The following OSBPL5 variants were observed in gnomAD, a reference collection of about 807,000 sequenced individuals.
The protein encoded by OSBPL5 is oxysterol-binding protein-related protein 5.
In OSBPL5, 71 loss-of-function variants were observed where a neutral mutation model predicts 111.2. The ratio of observed to expected loss-of-function variants is 0.64; its 90% confidence interval spans 0.53 to 0.78. The LOEUF is 0.78. Ranked by LOEUF, OSBPL5 falls within the 30% of genes least tolerant of loss-of-function variation. OSBPL5 has a pLI of 0.00. For missense variants in OSBPL5, 1,210 were observed against 1,189.3 expected (o/e 1.02, Z -0.26); for synonymous variants, 549 against 513.9 (o/e 1.07, Z -0.93).
At chr11:3,153,916 C>T (rs1846666945) in intron 1 of OSBPL5, among the ~76,000 whole-genome samples, 1 of 152,228 alleles carries the variant, frequency 6.6e-6, no homozygotes, top group African/African-American at 2.4e-5. Context: ...AGCAGAGGCT[C>T]CATATGAATG....
rs536396675 is a variant in OSBPL5 at position 3,106,529 on chromosome 11, C to T, written c.1059+734G>A. On this transcript the variant is annotated intron_variant, in intron 9 of 21. Transcript: ENST00000263650. This position sits in a 1 kb window ranked among gnomAD's most constrained non-coding sequence, Gnocchi z 8.4. ...TGAGGCGCCCCACGGTGCCCAGGGC[C>T]ACGTGAGTTCTCTCCAGCTGCGGGG... 3.4e-4 allele frequency among the ~76,000 whole-genome samples: 52 copies of T among 152,296 alleles called. No homozygotes were observed. The highest frequency in any genetic ancestry group is 5.4e-4 in the Non-Finnish European group (37 of 68,018).
Position 3,093,529 on chromosome 11 carries a change from C to T in OSBPL5, c.1944G>A (p.Glu648=). The part of the protein sequence containing the change: ...PLEEQTELES[E]RLWQHVTRAI... ...CCCTGGGCGCTGACAGGCCTCACCT[C>T]TCGGACTCCAGCTCCGTCTGCTCCT... The change falls in exon 17 of 22, where the codon GAG becomes GAA. Residue 648 remains glutamate (E), a splice_region_variant and synonymous_variant. Transcript: ENST00000263650. 6.2e-7 allele frequency: 1 copy of T among 1,608,370 alleles called. No homozygotes were observed. The highest frequency in any genetic ancestry group is 8.5e-7 in the Non-Finnish European group (1 of 1,179,696).
chr11:3,131,301 C>G (rs1346273456), intron 1 of OSBPL5, among the ~76,000 whole-genome samples: 1 of 152,146 alleles, frequency 6.6e-6, no homozygotes, highest in Non-Finnish European at 1.5e-5. Context: ...GTCTCCCGCT[C>G]CCTTGTATCC....
chr11:3,124,557 C>T (rs1858534587), intron 3 of OSBPL5, among the ~76,000 whole-genome samples: 1 of 152,188 alleles, frequency 6.6e-6, no homozygotes, highest in Non-Finnish European at 1.5e-5. Flanking sequence ...GGCTGGGTAG[C>T]CCCTGCTCCT....
intron 3 of OSBPL5, among the ~76,000 whole-genome samples, chr11:3,125,661 C>A (rs372819962): frequency 6.6e-6 from 1 of 152,158 alleles, no homozygotes; most frequent in South Asian, 2.1e-4. Flanking sequence ...AAAAATTGGC[C>A]GGGCGTGGTG....
In OSBPL5 at chr11:3,140,209, TTGCAGTGGTG is replaced by T. The variant is rs1846065397; in HGVS notation, c.-21-11050_-21-11041del. 6.6e-6 allele frequency among the ~76,000 whole-genome samples: 1 copy of T among 152,190 alleles called. No homozygotes were observed. Among genetic ancestry groups the T allele is most frequent in the South Asian group, 2.1e-4 (1 of 4,832 alleles). ...GTCCTCAGAAGGAGGGAGGGGATAA[TTGCAGTGGTG>T]TCTCCCTGGCCAGGCTGCTGAGTTC... On this transcript the variant is annotated intron_variant, in intron 1 of 21. Coordinates refer to ENST00000263650, the MANE Select transcript of OSBPL5 (RefSeq NM_020896.4). This position sits in a 1 kb window ranked among gnomAD's most constrained non-coding sequence, Gnocchi z 4.5.
At chr11:3,118,022 T>C (rs1364344145) in intron 7 of OSBPL5, among the ~76,000 whole-genome samples, 2 of 152,240 alleles carry the variant, frequency 1.3e-5, no homozygotes, top group Non-Finnish European at 2.9e-5. Flanking sequence ...CACAGCCTTC[T>C]GAAAATGAGC....
chr11:3,132,520 C>T (rs560872202), intron 1 of OSBPL5, among the ~76,000 whole-genome samples: 1 of 152,224 alleles, frequency 6.6e-6, no homozygotes, highest in East Asian at 1.9e-4. Flanking sequence ...TAGAACAAAT[C>T]CAGTCTCATC....
At chr11:3,094,362 G>A in intron 14 of OSBPL5, 28 bp from the exon 15 acceptor site, 1 of 1,586,774 alleles carries the variant, frequency 6.3e-7, no homozygotes, top group Non-Finnish European at 8.6e-7. Context: ...TCAGGGGCCA[G>A]GCGGCCCCAG....
chr11:3,133,609 C>G (rs118109039), intron 1 of OSBPL5, among the ~76,000 whole-genome samples: 3,224 of 152,338 alleles, frequency 0.021, 47 homozygotes, highest in Non-Finnish European at 0.029. Flanking sequence ...CACCCCAGAG[C>G]CCCCAATGAC....
At chr11:3,128,861 A>G in intron 2 of OSBPL5, 152 bp downstream of exon 2, 2 of 726,352 alleles carry the variant, frequency 2.8e-6, no homozygotes, top group Non-Finnish European at 1.9e-6. Flanking sequence ...CTGGCACTCT[A>G]CCAAGCTACA....
At chr11:3,153,478 T>A (rs1846652917) in intron 1 of OSBPL5, among the ~76,000 whole-genome samples, 1 of 152,078 alleles carries the variant, frequency 6.6e-6, no homozygotes. Context: ...CCCTCTAGCC[T>A]GAAGATGTGG....
intron 14 of OSBPL5, among the ~76,000 whole-genome samples, chr11:3,098,070 G>A (rs1232466912): frequency 6.6e-6 from 1 of 151,864 alleles, no homozygotes; most frequent in Non-Finnish European, 1.5e-5. Context: ...CCCCAACTTC[G>A]TCTCAAAACA....
intron 7 of OSBPL5, among the ~76,000 whole-genome samples, chr11:3,112,027 G>GCA (rs1564837313): frequency 1.0e-4 from 1 of 9,616 alleles, no homozygotes; most frequent in Non-Finnish European, 1.9e-4. Flanking sequence ...GTGTGTGCAT[G>GCA]TGTGTGTATG....
At chr11:3,103,095 G>T in intron 11 of OSBPL5, 144 bp downstream of exon 11, 1 of 655,504 alleles carries the variant, frequency 1.5e-6, no homozygotes, top group Non-Finnish European at 2.5e-6. Context: ...AAGGACCTGG[G>T]CCCTCTGTGG....
chr11:3,104,291 C>T lies in OSBPL5; in HGVS notation c.1146G>A (p.Met382Ile), dbSNP rs745812502. Residue 382 changes from methionine (M) to isoleucine (I), a missense_variant, in exon 10 of 22, where the codon ATG (methionine) becomes ATA (isoleucine). Transcript: ENST00000263650. This position sits in a 1 kb window ranked among gnomAD's most constrained non-coding sequence, Gnocchi z 5.0. ...WTLLKQLRPG[M>I]DLSRVVLPTF... is the part of the protein sequence containing the mutation. ...TGGGTAGCACCACGCGGGACAGGTC[C>T]ATGCCTGGCCGTAGCTGCTTCAGCA... 1.6e-5 allele frequency: 26 copies of T among 1,613,830 alleles called. No individual in the cohort carries two copies. The highest frequency in any genetic ancestry group is 2.2e-5 in the East Asian group (1 of 44,882).
intron 1 of OSBPL5, among the ~76,000 whole-genome samples, chr11:3,139,987 C>G (rs539194100): frequency 7.9e-5 from 12 of 152,344 alleles, no homozygotes; most frequent in South Asian, 2.1e-4. Context: ...AGGTGCCCCC[C>G]CTGCTCTGAG....
At chr11:3,133,134 A>T (rs1410609431) in intron 1 of OSBPL5, among the ~76,000 whole-genome samples, 1 of 152,118 alleles carries the variant, frequency 6.6e-6, no homozygotes, top group Non-Finnish European at 1.5e-5. Flanking sequence ...GCCATCTGCC[A>T]CTCCAGGCGT....
chr11:3,123,886 G>A (rs1435124231), intron 3 of OSBPL5, among the ~76,000 whole-genome samples: 3 of 152,182 alleles, frequency 2.0e-5, no homozygotes, highest in Non-Finnish European at 4.4e-5. Flanking sequence ...AGCTAGCAAG[G>A]GGCAGGGCAT....
Sources: gnomAD v4.1 joint callset for allele counts (sites outside exome capture counted in the v4.1 genomes callset) on GRCh38, gnomAD v4.1.1 for gene constraint, Gnocchi (gnomAD v3.1) non-coding constraint, MANE v1.5 for transcripts, NCBI Gene and HGNC (gene_info 2026-07-23, HGNC 2026-07-21) for gene names.